JAML: variants seen among roughly 807,000 people sequenced by gnomAD.
JAML encodes the protein junction adhesion molecule like.
Under a neutral mutation model 39.3 loss-of-function variants are expected in JAML, and 25 were observed. That is an observed-to-expected ratio of 0.64 (90% CI 0.46 to 0.89). JAML has a LOEUF of 0.89. JAML is among the 40% of genes least tolerant of loss of function. The pLI, the probability that JAML is intolerant of heterozygous loss-of-function variation, is 0.00. For missense variants in JAML, 440 were observed against 486.9 expected (o/e 0.90, Z 0.91); for synonymous variants, 162 against 179.2 (o/e 0.90, Z 0.77).
chr11:118,211,301 G>A (rs1949055291), intron 3 of JAML, among the ~76,000 whole-genome samples: 1 of 152,318 alleles, frequency 6.6e-6, no homozygotes, highest in African/African-American at 2.4e-5. Context: ...GGAGTGCAGT[G>A]GCACAATCAC....
At position 118,212,489 on chromosome 11, in the gene JAML, AG is replaced by A; in HGVS notation, c.115del (p.Leu39Ter). The A allele has an allele frequency of 6.2e-7, 1 of 1,614,216 alleles. No individual in the cohort carries two copies. The highest frequency in any genetic ancestry group is 8.5e-7 in the Non-Finnish European group (1 of 1,180,026). ...TGTGCTCTGGAAAACACATCCCATC[AG>A]AGCTGAATCACCCACATGGACTGTT... ...ELTVHVGDSA[L>X]MGCVFQSTED... On this transcript the variant is annotated frameshift_variant, in exon 3 of 10. Transcript: ENST00000356289. LOFTEE classifies it high-confidence loss of function.
chr11:118,205,810 C>T, intron 5 of JAML, 72 bp downstream of exon 5: 1 of 1,407,876 alleles, frequency 7.1e-7, no homozygotes, highest in Non-Finnish European at 1.0e-6. Flanking sequence ...TCCTCATGTG[C>T]CTGATTCTAC....
rs982788055 is a variant in JAML at position 118,213,056 on chromosome 11, G to C, written c.44-495C>G. 17 of 1,583,454 alleles carry C rather than the reference G, an allele frequency of 1.1e-5. No homozygotes were observed. The Admixed American group carries it at 2.9e-4, about 27-fold the overall frequency. On this transcript the variant is annotated intron_variant, in intron 2 of 9. Coordinates refer to ENST00000356289, the MANE Select transcript of JAML (RefSeq NM_001098526.2). ...TTTGCTGGCTGATTCTGGCTGTAGG[G>C]CAGGTCCTTGTAATTAGGCCACCAC...
chr11:118,214,329 G>A (rs925328471), intron 2 of JAML, among the ~76,000 whole-genome samples: 11 of 152,162 alleles, frequency 7.2e-5, no homozygotes, highest in South Asian at 2.1e-4. Flanking sequence ...AGGAAGCATC[G>A]GGCGGGCTTG....
intron 6 of JAML, 62 bp downstream of exon 6, chr11:118,203,366 A>C: frequency 6.9e-7 from 1 of 1,448,358 alleles, no homozygotes; most frequent in Non-Finnish European, 9.7e-7. Flanking sequence ...GCCTCACTCT[A>C]GTCCTGGCGC....
At chr11:118,211,936 T>C (rs1222083114) in intron 3 of JAML, among the ~76,000 whole-genome samples, 1 of 152,048 alleles carries the variant, frequency 6.6e-6, no homozygotes, top group African/African-American at 2.4e-5. Context: ...TCTGTCCTCC[T>C]CCCCACCCCA....
chr11:118,218,759 A>G (rs1233466883), intron 1 of JAML, among the ~76,000 whole-genome samples: 1 of 152,238 alleles, frequency 6.6e-6, no homozygotes, highest in East Asian at 1.9e-4. Context: ...TTAGCTGAAT[A>G]ACAAAATTCT....
Position 118,203,443 on chromosome 11 carries a change from G to C in JAML, c.757C>G (p.Pro253Ala). The C allele has an allele frequency of 1.2e-6, 2 of 1,614,044 alleles. No homozygotes were observed. Among genetic ancestry groups the C allele is most frequent in the South Asian group, 2.2e-5 (2 of 91,078 alleles). Residue 253 changes from proline (P) to alanine (A), a missense_variant, in exon 6 of 10, where the codon CCG (proline) becomes GCG (alanine). Physicochemically the swap from Pro to Ala is conservative, Grantham distance 27. Coordinates refer to ENST00000356289, the MANE Select transcript of JAML (RefSeq NM_001098526.2). ...TGTTAGATACTTCGAGGCTCTTCCG[G>C]GCTGACATGCAGCACAATGGTTTTC... is the stretch of plus-strand genomic sequence containing the variant. ...FKKTIVLHVS[P>A]EEPRTLVTPA...
At chr11:118,206,957 G>A (rs1470454596) in intron 4 of JAML, among the ~76,000 whole-genome samples, 1 of 152,208 alleles carries the variant, frequency 6.6e-6, no homozygotes, top group Non-Finnish European at 1.5e-5. Context: ...CTTCCAAAGA[G>A]TGTTAAGCAA....
chr11:118,196,210 CA>C (rs1948651795), intron 9 of JAML, among the ~76,000 whole-genome samples: 2 of 149,128 alleles, frequency 1.3e-5, no homozygotes, highest in South Asian at 4.3e-4. Context: ...CTCATGTAAC[CA>C]ACGCCTTCCA....
Position 118,222,055 on chromosome 11 carries a change from C to T in JAML, c.-21+2886G>A, listed in dbSNP as rs1176102079. Among the ~76,000 whole-genome samples, 1 of 152,134 alleles carries T rather than the reference C, an allele frequency of 6.6e-6. No homozygotes were observed. Among genetic ancestry groups the T allele is most frequent in the South Asian group, 2.1e-4 (1 of 4,832 alleles). ...TTTTATAGGATTTTTATTTTGAGAA[C>T]TCCATAGTCAGAAATCAACTTAATT... On this transcript the variant is annotated intron_variant, in intron 1 of 9. Coordinates refer to ENST00000356289, the MANE Select transcript of JAML (RefSeq NM_001098526.2). This position sits in a 1 kb window ranked among gnomAD's most constrained non-coding sequence, Gnocchi z 4.2.
At chr11:118,207,694 C>T (rs1486728041) in intron 4 of JAML, among the ~76,000 whole-genome samples, 5 of 151,900 alleles carry the variant, frequency 3.3e-5, no homozygotes, top group Admixed American at 6.6e-5. Context: ...AGTTGGAGCA[C>T]GGTCCACTAG....
intron 1 of JAML, among the ~76,000 whole-genome samples, chr11:118,215,670 TTTC>T: frequency 6.8e-6 from 1 of 147,128 alleles, no homozygotes; most frequent in Non-Finnish European, 1.5e-5. Context: ...TTATCTTATT[TTTC>T]TTTTTAACTT....
In JAML at chr11:118,196,589, A is replaced by G. The variant is rs955102564; in HGVS notation, c.1092+146T>C. ...AAAGTTTGATATCACTCTTCTATCC[A>G]GCAGAACTTCAGTTTCTCAGACTTT... On this transcript the variant is annotated intron_variant, in intron 9 of 9. Coordinates refer to ENST00000356289, the MANE Select transcript of JAML (RefSeq NM_001098526.2). 4.3e-6 allele frequency: 3 copies of G among 694,638 alleles called. No homozygotes were observed. In the African/African-American group the frequency reaches 5.3e-5, roughly 12 times the overall value. 43.0% of individuals were successfully genotyped at this position (694,638 alleles called of 1,614,324 possible).
At chr11:118,197,851 A>G (rs1948692134) in intron 8 of JAML, 147 bp downstream of exon 8, 2 of 707,828 alleles carry the variant, frequency 2.8e-6, no homozygotes, top group African/African-American at 3.6e-5. Context: ...CTCTTACTTT[A>G]GTGACAAAGG....
chr11:118,208,674 G>C (rs942041101), intron 4 of JAML, among the ~76,000 whole-genome samples: 1 of 152,218 alleles, frequency 6.6e-6, no homozygotes, highest in Admixed American at 6.5e-5. Flanking sequence ...GTCACAGACT[G>C]TTCCTTCTAT....
intron 7 of JAML, among the ~76,000 whole-genome samples, chr11:118,199,381 A>G (rs1438751390): frequency 6.6e-6 from 1 of 152,168 alleles, no homozygotes; most frequent in Non-Finnish European, 1.5e-5. Context: ...AAACCAAATC[A>G]GGAAGCCCTA....
At position 118,196,732 on chromosome 11, in the gene JAML, C is replaced by T; in HGVS notation, c.1092+3G>A. 1 of 1,606,790 alleles carries T rather than the reference C, an allele frequency of 6.2e-7. No individual in the cohort carries two copies. The highest frequency in any genetic ancestry group is 8.5e-7 in the Non-Finnish European group (1 of 1,173,428). On this transcript the variant is annotated splice_donor_region_variant and intron_variant, in intron 9 of 9. Coordinates refer to ENST00000356289, the MANE Select transcript of JAML (RefSeq NM_001098526.2). ...GCTCAGCTGAGGCCAGAATCATTCTCACCATGGTCATGTAGGTGGCCTCTG... is the reference window on the plus strand; with the variant it reads ...GCTCAGCTGAGGCCAGAATCATTCTTACCATGGTCATGTAGGTGGCCTCTG...
At chr11:118,219,704 C>G (rs1369981723) in intron 1 of JAML, among the ~76,000 whole-genome samples, 1 of 152,208 alleles carries the variant, frequency 6.6e-6, no homozygotes, top group Non-Finnish European at 1.5e-5. Flanking sequence ...TCGGCCCTAG[C>G]TAGTCACTAC....
Sources: allele counts gnomAD v4.1 joint callset (sites outside exome capture counted in the v4.1 genomes callset), GRCh38; gene constraint gnomAD v4.1.1; non-coding constraint Gnocchi (gnomAD v3.1); transcripts MANE v1.5; gene names NCBI Gene and HGNC (gene_info 2026-07-23, HGNC 2026-07-21).